The following CDH7 variants were observed in gnomAD, a reference collection of about 807,000 sequenced individuals.
CDH7 encodes the protein cadherin-7.
In CDH7, 25 loss-of-function variants were observed where a neutral mutation model predicts 71.8. That is an observed-to-expected ratio of 0.35 (90% CI 0.25 to 0.49). The LOEUF (loss-of-function observed/expected upper bound fraction) is 0.49, where lower values mean the gene tolerates loss of function less well. Ranked by LOEUF, CDH7 falls within the 20% of genes least tolerant of loss-of-function variation. The pLI, the probability that CDH7 is intolerant of heterozygous loss-of-function variation, is 0.99. For synonymous variants in CDH7, 381 were observed against 363.8 expected (o/e 1.05, Z -0.54); for missense variants, 862 against 974.6 (o/e 0.88, Z 1.54).
intron 7 of CDH7, among the ~76,000 whole-genome samples, chr18:65,856,444 C>G (rs1913359743): frequency 6.6e-6 from 1 of 151,962 alleles, no homozygotes; most frequent in Admixed American, 6.6e-5. Flanking sequence ...AACTGTAGGT[C>G]CCTATTAGGA....
chr18:65,758,098 G>A (rs929942936), intron 1 of CDH7, among the ~76,000 whole-genome samples: 1 of 152,102 alleles, frequency 6.6e-6, no homozygotes, highest in Non-Finnish European at 1.5e-5. Context: ...AGTTATTGTG[G>A]TATCTTTCTA....
chr18:65,866,331 C>CAAAAAAAAAAAAAAAAAAAAAAAAAAAAA (rs1291511991), intron 11 of CDH7: 1 of 2,602 alleles, frequency 3.8e-4, no homozygotes, highest in African/African-American at 9.0e-4. Context: ...AAAAAAAAAA[C>CAAAAAAAAAAAAAAAAAAAAAAAAAAAAA]AAAAAAAAAA....
chr18:65,861,381 T>C (rs998732507), intron 10 of CDH7, among the ~76,000 whole-genome samples: 1 of 132,334 alleles, frequency 7.6e-6, no homozygotes, highest in Non-Finnish European at 1.5e-5. Context: ...TCAGTCATGT[T>C]AGATTACAAA....
intron 2 of CDH7, among the ~76,000 whole-genome samples, chr18:65,796,028 AC>A (rs1327663340): frequency 6.6e-6 from 1 of 152,070 alleles, no homozygotes; most frequent in Non-Finnish European, 1.5e-5. Context: ...AGTCAATTAA[AC>A]CTTTTTTAAA....
chr18:65,855,530 A>G, intron 7 of CDH7, among the ~76,000 whole-genome samples: 1 of 26,284 alleles, frequency 3.8e-5, no homozygotes, highest in African/African-American at 5.7e-5. Flanking sequence ...AAAAAGTGTA[A>G]ACTCTCAAAA....
chr18:65,780,033 T>G (rs1324888994), intron 2 of CDH7, among the ~76,000 whole-genome samples: 1 of 110,832 alleles, frequency 9.0e-6, no homozygotes, highest in South Asian at 3.1e-4. Flanking sequence ...GTGGTTTTGA[T>G]TTGCATCTCT....
intron 2 of CDH7, among the ~76,000 whole-genome samples, chr18:65,763,795 A>G (rs1177879570): frequency 1.3e-5 from 2 of 152,042 alleles, no homozygotes; most frequent in African/African-American, 4.8e-5. Flanking sequence ...CTGTCTTAAT[A>G]TTTGAGAAGG....
chr18:65,824,585 T>A lies in CDH7; in HGVS notation c.794-59T>A. 9 of 1,144,700 alleles carry A rather than the reference T, an allele frequency of 7.9e-6. No homozygotes were observed. In the South Asian group the frequency reaches 1.9e-4, roughly 24 times the overall value. The allele number at this position is 1,144,700 out of a possible 1,614,324, so 70.9% of individuals were successfully genotyped here. A position where few individuals can be genotyped will look rare whatever the true frequency, so the allele number is the denominator to read the frequency against. ...CAATGATGCCAAAATAACCCAATAT[T>A]TAAATTTTTATTGGTTAGTTTGGTG... On this transcript the variant is annotated intron_variant, in intron 5 of 11. Transcript: ENST00000397968.
At chr18:65,844,095 G>A (rs753930248) in intron 7 of CDH7, 30 bp downstream of exon 7, 1 of 1,595,356 alleles carries the variant, frequency 6.3e-7, no homozygotes, top group Admixed American at 1.7e-5. Flanking sequence ...CTTTTCTATG[G>A]TTTTACAAAC....
At chr18:65,808,220 T>G (rs1406335266) in intron 2 of CDH7, among the ~76,000 whole-genome samples, 1 of 152,214 alleles carries the variant, frequency 6.6e-6, no homozygotes, top group Non-Finnish European at 1.5e-5. Context: ...TTGTTTTGTT[T>G]TTAAAAAAAG....
At chr18:65,823,862 A>AG (rs1403007324) in intron 5 of CDH7, among the ~76,000 whole-genome samples, 1 of 151,922 alleles carries the variant, frequency 6.6e-6, no homozygotes, top group East Asian at 1.9e-4. Flanking sequence ...AAATAATTAG[A>AG]GAAAAAATAA....
intron 10 of CDH7, among the ~76,000 whole-genome samples, chr18:65,860,157 T>A (rs1044989553): frequency 2.6e-4 from 39 of 152,212 alleles, no homozygotes; most frequent in African/African-American, 9.4e-4. Flanking sequence ...TAATAAGTAC[T>A]ATGCTCATAG....
intron 10 of CDH7, 43 bp from the exon 11 acceptor site, chr18:65,862,623 C>G (rs779491536): frequency 1.9e-6 from 3 of 1,588,196 alleles, no homozygotes; most frequent in East Asian, 4.5e-5. Flanking sequence ...AAGACTGATT[C>G]CATCAGAAAT....
chr18:65,800,167 T>A (rs1172816110), intron 2 of CDH7, among the ~76,000 whole-genome samples: 1 of 152,040 alleles, frequency 6.6e-6, no homozygotes, highest in Non-Finnish European at 1.5e-5. Flanking sequence ...GCAACCTCCA[T>A]CTCCCAGGTT....
At chr18:65,810,037 A>T (rs1444262851) in intron 3 of CDH7, 39 bp downstream of exon 3, 1 of 1,495,064 alleles carries the variant, frequency 6.7e-7, no homozygotes, top group Non-Finnish European at 9.2e-7. Context: ...CTTGTGGCCG[A>T]TTTGGGGAGA....
In CDH7 at chr18:65,881,126, A is replaced by G. The variant is rs1914218760; in HGVS notation, c.*232A>G. ...CTGACCACAGACTCTGAGCATTTGA[A>G]GGTTTTTTGATAAAAATAAATGCTC... On this transcript the variant is annotated 3_prime_UTR_variant, in exon 12 of 12. Transcript: ENST00000397968. 7 of 391,730 alleles carry G rather than the reference A, an allele frequency of 1.8e-5. No homozygotes were observed. The highest frequency in any genetic ancestry group is 1.7e-4 in the Admixed American group (4 of 24,178). The allele number at this position is 391,730 out of a possible 1,614,324, so 24.3% of individuals were successfully genotyped here. A position where few individuals can be genotyped will look rare whatever the true frequency, so the allele number is the denominator to read the frequency against.
In CDH7 at chr18:65,766,828, G is replaced by C. The variant is rs1360234062; in HGVS notation, c.210+3776G>C. On this transcript the variant is annotated intron_variant, in intron 2 of 11. Coordinates refer to ENST00000397968, the MANE Select transcript of CDH7 (RefSeq NM_004361.5). ...CATTGGATCGCACTGCATTTCTTCA[G>C]CCCAGTCTGTTAATCACCTTGGCAT... is the stretch of plus-strand genomic sequence containing the variant. Among the ~76,000 whole-genome samples the C allele has an allele frequency of 3.0e-5, 4 of 134,864 alleles. No individual in the cohort carries two copies. The East Asian group carries it at 9.7e-4, about 33-fold the overall frequency. 88.5% of individuals were successfully genotyped at this position (134,864 alleles called of 152,430 possible).
At chr18:65,877,378 A>G (rs1229458705) in intron 11 of CDH7, among the ~76,000 whole-genome samples, 3 of 152,052 alleles carry the variant, frequency 2.0e-5, no homozygotes, top group Non-Finnish European at 4.4e-5. Context: ...ACAATAGAAT[A>G]TAAGAAATAA....
intron 4 of CDH7, among the ~76,000 whole-genome samples, chr18:65,816,917 C>G (rs950908611): frequency 2.0e-5 from 3 of 152,160 alleles, no homozygotes; most frequent in African/African-American, 7.2e-5. Flanking sequence ...TAGGAGTATT[C>G]TAAGGTGTAT....
Sources: gnomAD v4.1 joint callset for allele counts (sites outside exome capture counted in the v4.1 genomes callset) on GRCh38, gnomAD v4.1.1 for gene constraint, MANE v1.5 for transcripts, NCBI Gene and HGNC (gene_info 2026-07-23, HGNC 2026-07-21) for gene names.